MIPOL1: variants seen among roughly 807,000 people sequenced by gnomAD.
The protein encoded by MIPOL1 is mirror-image polydactyly 1.
Under a neutral mutation model 60.9 loss-of-function variants are expected in MIPOL1, and 57 were observed. The observed-to-expected ratio is 0.94, with a 90% confidence interval of 0.76 to 1.17. The LOEUF is 1.17. Ranked by LOEUF, MIPOL1 falls within the 50% of genes most tolerant of loss-of-function variation. MIPOL1 has a pLI of 0.00. For missense variants in MIPOL1, 551 were observed against 511.6 expected (o/e 1.08, Z -0.74); for synonymous variants, 179 against 168.8 (o/e 1.06, Z -0.47).
chr14:37,402,948 A>G (rs1286293342), intron 10 of MIPOL1, among the ~76,000 whole-genome samples: 1 of 152,174 alleles, frequency 6.6e-6, no homozygotes, highest in Non-Finnish European at 1.5e-5. Flanking sequence ...TAAGATGGGT[A>G]GGCTTGTTAG....
At chr14:37,335,371 A>G (rs144012196) in intron 9 of MIPOL1, among the ~76,000 whole-genome samples, 5 of 152,174 alleles carry the variant, frequency 3.3e-5, no homozygotes, top group Admixed American at 6.5e-5. Flanking sequence ...GAACTGTTTC[A>G]TATTGCAAGA....
chr14:37,423,101 T>C (rs1364425240), intron 11 of MIPOL1, 152 bp downstream of exon 11: 1 of 549,930 alleles, frequency 1.8e-6, no homozygotes, highest in Non-Finnish European at 3.3e-6. Context: ...TTCAGGCTTA[T>C]AGTATTTATT....
intron 10 of MIPOL1, among the ~76,000 whole-genome samples, chr14:37,393,440 T>G (rs968082214): frequency 3.3e-3 from 330 of 100,258 alleles, no homozygotes; most frequent in Middle Eastern, 0.023. Context: ...GGGGTGGGGG[T>G]GGGGGTTTGT....
intron 11 of MIPOL1, among the ~76,000 whole-genome samples, chr14:37,446,226 A>G (rs2094332368): frequency 6.6e-6 from 1 of 152,200 alleles, no homozygotes; most frequent in Admixed American, 6.5e-5. Context: ...CAAATTTTCA[A>G]GAAAAAAGCA....
chr14:37,447,077 T>TAATAA (rs949875544), intron 11 of MIPOL1, among the ~76,000 whole-genome samples: 7 of 151,548 alleles, frequency 4.6e-5, no homozygotes, highest in African/African-American at 1.2e-4. Context: ...AGTATAATAA[T>TAATAA]AATAAAATAA....
intron 9 of MIPOL1, among the ~76,000 whole-genome samples, chr14:37,366,453 A>G (rs997825365): frequency 6.6e-6 from 1 of 151,902 alleles, no homozygotes; most frequent in African/African-American, 2.4e-5. Context: ...GTGTTTGTGT[A>G]GTTTCCAGAA....
chr14:37,481,575 A>G (rs1472297842), intron 11 of MIPOL1, among the ~76,000 whole-genome samples: 3 of 145,934 alleles, frequency 2.1e-5, no homozygotes, highest in Non-Finnish European at 3.0e-5. Context: ...ACACACACAC[A>G]CACACACACA....
intron 12 of MIPOL1, among the ~76,000 whole-genome samples, chr14:37,520,706 A>C (rs1466175377): frequency 6.6e-6 from 1 of 152,080 alleles, no homozygotes; most frequent in Admixed American, 6.6e-5. Flanking sequence ...TTGTTTTATA[A>C]CTTTTATTTA....
At chr14:37,223,155 C>T (rs1056860228) in intron 1 of MIPOL1, among the ~76,000 whole-genome samples, 1 of 151,710 alleles carries the variant, frequency 6.6e-6, no homozygotes, top group African/African-American at 2.4e-5. Context: ...GCCTCAGTCT[C>T]CCAAGTAGCT....
intron 9 of MIPOL1, among the ~76,000 whole-genome samples, chr14:37,359,242 T>C (rs1014599313): frequency 1.7e-4 from 26 of 152,158 alleles, no homozygotes; most frequent in African/African-American, 6.0e-4. Context: ...TGTAGCCTTG[T>C]AGTGTAGTTT....
intron 12 of MIPOL1, chr14:37,545,993 TCAAG>T (rs751831550): frequency 4.7e-5 from 10 of 212,510 alleles, no homozygotes; most frequent in Non-Finnish European, 9.3e-5. Flanking sequence ...GTGTATAACA[TCAAG>T]CAAGATTTTT....
chr14:37,539,896 AG>A (rs1179839501), intron 12 of MIPOL1, among the ~76,000 whole-genome samples: 1 of 152,146 alleles, frequency 6.6e-6, no homozygotes. Context: ...GTCTCATCGG[AG>A]GGACCAGATG....
intron 9 of MIPOL1, among the ~76,000 whole-genome samples, chr14:37,356,738 G>A (rs1197708294): frequency 6.6e-6 from 1 of 152,092 alleles, no homozygotes; most frequent in East Asian, 1.9e-4. Flanking sequence ...CGCTTCCCGA[G>A]TGAGGCAATG....
At position 37,541,923 on chromosome 14, in the gene MIPOL1, A is replaced by G. The variant is rs139579947; in HGVS notation, c.1263-4982A>G. 2.2e-4 allele frequency among the ~76,000 whole-genome samples: 33 copies of G among 152,250 alleles called. No individual in the cohort carries two copies. In the East Asian group the frequency reaches 6.0e-3, roughly 28 times the overall value. Reference sequence around the variant, plus strand: ...TTCTGTTTCTTTAGACTCCTTTCCCATAGTCTATCAACACATTCACATGTT... The same window carrying G: ...TTCTGTTTCTTTAGACTCCTTTCCCGTAGTCTATCAACACATTCACATGTT... On this transcript the variant is annotated intron_variant, in intron 12 of 12. Transcript: ENST00000684589.
chr14:37,316,736 G>A (rs1313307132), intron 9 of MIPOL1, among the ~76,000 whole-genome samples: 1 of 152,060 alleles, frequency 6.6e-6, no homozygotes, highest in Non-Finnish European at 1.5e-5. Flanking sequence ...CAGCACTTTA[G>A]GAGGGCAAGG....
intron 11 of MIPOL1, among the ~76,000 whole-genome samples, chr14:37,437,261 A>G (rs1340785899): frequency 6.6e-6 from 1 of 152,168 alleles, no homozygotes; most frequent in Non-Finnish European, 1.5e-5. Flanking sequence ...ATGTAAAGCA[A>G]TCAAGAAGTT....
chr14:37,320,000 G>A (rs1367630180), intron 9 of MIPOL1, among the ~76,000 whole-genome samples: 1 of 151,974 alleles, frequency 6.6e-6, no homozygotes, highest in Non-Finnish European at 1.5e-5. Flanking sequence ...TTTCATTGTG[G>A]TGTGATGTTC....
intron 11 of MIPOL1, among the ~76,000 whole-genome samples, chr14:37,474,664 T>C (rs2153592780): frequency 6.6e-6 from 1 of 152,296 alleles, no homozygotes. Context: ...AAGAACAGAC[T>C]AATACATATG....
intron 1 of MIPOL1, among the ~76,000 whole-genome samples, chr14:37,235,046 C>T (rs2153326723): frequency 6.6e-6 from 1 of 151,726 alleles, no homozygotes; most frequent in Non-Finnish European, 1.5e-5. Context: ...CTGCCTTGGC[C>T]TCCCAAAGTG....
Sources: allele counts gnomAD v4.1 joint callset (sites outside exome capture counted in the v4.1 genomes callset), GRCh38; gene constraint gnomAD v4.1.1; transcripts MANE v1.5; gene names NCBI Gene and HGNC (gene_info 2026-07-23, HGNC 2026-07-21).